EPB41L2: variants seen among roughly 807,000 people sequenced by gnomAD.
The protein encoded by EPB41L2 is band 4.1-like protein 2.
EPB41L2 carries 43 observed loss-of-function variants against 113.0 expected under a neutral mutation model. The ratio of observed to expected loss-of-function variants is 0.38; its 90% CI spans 0.30 to 0.49. The LOEUF (loss-of-function observed/expected upper bound fraction) is 0.49, where lower values mean the gene tolerates loss of function less well. EPB41L2 is among the 20% of genes least tolerant of loss of function. The pLI, the probability that EPB41L2 is intolerant of heterozygous loss-of-function variation, is 0.95. For synonymous variants in EPB41L2, 442 were observed against 436.7 expected (o/e 1.01, Z -0.15); for missense variants, 1,147 against 1,223.4 (o/e 0.94, Z 0.93).
At chr6:131,015,064 C>G (rs890081034) in intron 1 of EPB41L2, among the ~76,000 whole-genome samples, 1 of 152,160 alleles carries the variant, frequency 6.6e-6, no homozygotes, top group African/African-American at 2.4e-5. Context: ...GGAGCAGGAA[C>G]CAACTGTAAA....
At chr6:130,853,079 AT>A (rs1223957652) in intron 19 of EPB41L2, among the ~76,000 whole-genome samples, 1 of 152,206 alleles carries the variant, frequency 6.6e-6, no homozygotes, top group Non-Finnish European at 1.5e-5. Flanking sequence ...AGCAGACCTT[AT>A]TTTATTTGAT....
intron 3 of EPB41L2, among the ~76,000 whole-genome samples, chr6:130,945,633 T>C (rs1039319004): frequency 1.3e-5 from 2 of 152,174 alleles, no homozygotes; most frequent in Non-Finnish European, 2.9e-5. Context: ...AAAACACATA[T>C]ACCGACTTAT....
intron 10 of EPB41L2, among the ~76,000 whole-genome samples, chr6:130,891,192 G>T (rs1216727718): frequency 6.6e-6 from 1 of 152,084 alleles, no homozygotes; most frequent in East Asian, 1.9e-4. Context: ...GAAGACTTTT[G>T]TTGACAACTC....
At chr6:131,022,734 C>T (rs1489683696) in intron 1 of EPB41L2, among the ~76,000 whole-genome samples, 1 of 152,264 alleles carries the variant, frequency 6.6e-6, no homozygotes, top group Non-Finnish European at 1.5e-5. Flanking sequence ...TCATCATCAT[C>T]ATCCAGTGCT....
intron 3 of EPB41L2, among the ~76,000 whole-genome samples, chr6:130,954,645 C>G (rs1012148572): frequency 1.3e-5 from 2 of 152,128 alleles, no homozygotes; most frequent in Non-Finnish European, 2.9e-5. Flanking sequence ...TCTGTCAGCA[C>G]CAGCGCTAAT....
chr6:130,872,575 A>C (rs1786099816), intron 14 of EPB41L2: 1 of 1,276,280 alleles, frequency 7.8e-7, no homozygotes, highest in Admixed American at 2.3e-5. Context: ...AAGAATTAGC[A>C]ATAAGTCAGA....
intron 3 of EPB41L2, among the ~76,000 whole-genome samples, chr6:130,938,238 GA>G (rs888332730): frequency 2.0e-5 from 3 of 152,166 alleles, no homozygotes; most frequent in African/African-American, 7.2e-5. Flanking sequence ...GCAATCTAGG[GA>G]AAAATCCACT....
intron 19 of EPB41L2, among the ~76,000 whole-genome samples, chr6:130,845,882 G>T (rs148139235): frequency 2.3e-4 from 35 of 152,280 alleles, no homozygotes; most frequent in African/African-American, 8.2e-4. Context: ...AATGTCTAGA[G>T]GAAAAGCATC....
intron 4 of EPB41L2, among the ~76,000 whole-genome samples, chr6:130,920,797 A>AC (rs1186490123): frequency 6.6e-6 from 1 of 152,228 alleles, no homozygotes; most frequent in Non-Finnish European, 1.5e-5. Context: ...GGTATGAGCC[A>AC]CCATACCTGG....
Position 130,906,586 on chromosome 6 carries a change from A to G in EPB41L2, c.854-2046T>C, listed in dbSNP as rs1279207756. Among the ~76,000 whole-genome samples the G allele has an allele frequency of 2.6e-5, 4 of 152,340 alleles. No individual in the cohort carries two copies. The East Asian group carries it at 5.8e-4, about 22-fold the overall frequency. The stretch of plus-strand genomic sequence containing the variant: ...CTACAGAAATGTTTACATACTAGTC[A>G]TACGCAAGCCTTAGACATATAGTCT... On this transcript the variant is annotated intron_variant, in intron 5 of 19. Transcript: ENST00000337057.
intron 1 of EPB41L2, among the ~76,000 whole-genome samples, chr6:131,048,034 GA>G (rs1439257258): frequency 1.3e-5 from 2 of 149,842 alleles, no homozygotes; most frequent in Non-Finnish European, 3.0e-5. Flanking sequence ...AGCTACTCAG[GA>G]GGCTGAGGCA....
In EPB41L2 at chr6:130,839,396, A is replaced by C. The variant is rs2128386533; in HGVS notation, c.*1208T>G. ...TTATAATAGTATTACAGGAAGCAAA[A>C]TATCATTTAATACAACTTGAGGCTG... On this transcript the variant is annotated 3_prime_UTR_variant, in exon 20 of 20. Transcript: ENST00000337057. 1 of 152,338 alleles carries C rather than the reference A, an allele frequency of 6.6e-6. No individual in the cohort carries two copies. Among genetic ancestry groups the C allele is most frequent in the East Asian group, 1.9e-4 (1 of 5,190 alleles). The allele number at this position is 152,338 out of a possible 1,614,324, so 9.4% of individuals were successfully genotyped here. A position where few individuals can be genotyped will look rare whatever the true frequency, so the allele number is the denominator to read the frequency against.
At chr6:130,850,470 G>A (rs558260554) in intron 19 of EPB41L2, among the ~76,000 whole-genome samples, 164 of 152,160 alleles carry the variant, frequency 1.1e-3, no homozygotes, top group African/African-American at 3.7e-3. Flanking sequence ...ATGAGGTAAC[G>A]ACAAGGACCA....
intron 14 of EPB41L2, chr6:130,876,761 A>G (rs1480324327): frequency 7.7e-7 from 1 of 1,303,482 alleles, no homozygotes; most frequent in Non-Finnish European, 1.0e-6. Context: ...CCTTGAAAAG[A>G]TGGTCTCCTT....
At chr6:130,957,579 G>A (rs1817858555) in intron 1 of EPB41L2, among the ~76,000 whole-genome samples, 1 of 151,428 alleles carries the variant, frequency 6.6e-6, no homozygotes, top group Non-Finnish European at 1.5e-5. Flanking sequence ...AAACATGCTT[G>A]AGCCCAGGAG....
intron 1 of EPB41L2, among the ~76,000 whole-genome samples, chr6:131,008,763 A>G (rs1786217031): frequency 6.6e-6 from 1 of 152,208 alleles, no homozygotes; most frequent in South Asian, 2.1e-4. Flanking sequence ...TTGGAACTTT[A>G]AAGTTTAATT....
intron 14 of EPB41L2, chr6:130,872,330 T>C (rs1438991669): frequency 1.3e-5 from 16 of 1,260,088 alleles, no homozygotes; most frequent in South Asian, 2.6e-5. Context: ...ATCTCTCTCA[T>C]ATGTGGCTTT....
chr6:131,007,117 G>A (rs1785761509), intron 1 of EPB41L2, among the ~76,000 whole-genome samples: 1 of 152,220 alleles, frequency 6.6e-6, no homozygotes, highest in African/African-American at 2.4e-5. Flanking sequence ...ACTTTAAGCA[G>A]ACGGATATGG....
intron 3 of EPB41L2, among the ~76,000 whole-genome samples, chr6:130,941,344 C>T (rs1013451583): frequency 2.5e-4 from 38 of 152,118 alleles, no homozygotes; most frequent in East Asian, 1.9e-4. Context: ...TTTTAAAAGA[C>T]GGAGAATTGA....
Sources: gnomAD v4.1 joint callset for allele counts (sites outside exome capture counted in the v4.1 genomes callset) on GRCh38, gnomAD v4.1.1 for gene constraint, MANE v1.5 for transcripts, NCBI Gene and HGNC (gene_info 2026-07-23, HGNC 2026-07-21) for gene names.